GUF1: variants seen among roughly 807,000 people sequenced by gnomAD.
GUF1 encodes translation factor GUF1, mitochondrial.
Under a neutral mutation model 82.4 loss-of-function variants are expected in GUF1, and 78 were observed. The observed-to-expected ratio is 0.95, with a 90% CI of 0.79 to 1.14. GUF1 has a LOEUF of 1.14. GUF1 is among the 50% of genes most tolerant of loss of function. GUF1 has a pLI of 0.00. For missense variants in GUF1, 814 were observed against 798.2 expected (o/e 1.02, Z -0.24); for synonymous variants, 279 against 282.3 (o/e 0.99, Z 0.12).
Position 44,678,641 on chromosome 4 carries a change from C to A in GUF1, c.19C>A (p.Arg7=). MWTLVG[R]GWGCARALAP... ...CCGGGTCATGTGGACCCTCGTGGGT[C>A]GGGGCTGGGGGTGCGCACGCGCTCT... Residue 7 remains arginine, a synonymous_variant, in exon 1 of 17, where the codon CGG becomes AGG. Coordinates refer to ENST00000281543, the MANE Select transcript of GUF1 (RefSeq NM_021927.3). 1 of 1,473,200 alleles carries A rather than the reference C, an allele frequency of 6.8e-7. No individual in the cohort carries two copies. The highest frequency in any genetic ancestry group is 3.0e-5 in the Admixed American group (1 of 33,162). The allele number at this position is 1,473,200 out of a possible 1,614,324, so 91.3% of individuals were successfully genotyped here. A position where few individuals can be genotyped will look rare whatever the true frequency, so the allele number is the denominator to read the frequency against.
chr4:44,689,227 G>T, intron 9 of GUF1, 59 bp from the exon 10 acceptor site: 1 of 1,402,282 alleles, frequency 7.1e-7, no homozygotes, highest in Non-Finnish European at 9.4e-7. Context: ...CTACACATGT[G>T]GTTTGATAGG....
chr4:44,688,490 CACTG>C (rs1431099884), intron 9 of GUF1, among the ~76,000 whole-genome samples: 13 of 151,884 alleles, frequency 8.6e-5, no homozygotes, highest in Admixed American at 5.3e-4. Context: ...TATCAGTAGA[CACTG>C]ACTGAGTGCC....
At chr4:44,695,930 T>C (rs1715788611) in intron 15 of GUF1, among the ~76,000 whole-genome samples, 196 bp downstream of exon 15, 1 of 152,204 alleles carries the variant, frequency 6.6e-6, no homozygotes, top group Non-Finnish European at 1.5e-5. Context: ...CACTGGGTGA[T>C]GTGATCTGCA....
At chr4:44,695,876 C>G (rs1052237322) in intron 15 of GUF1, 142 bp downstream of exon 15, 24 of 773,956 alleles carry the variant, frequency 3.1e-5, no homozygotes, top group Non-Finnish European at 4.6e-5. Context: ...CTCCAGTTTT[C>G]TGATTTAAGT....
chr4:44,691,831 A>AC, intron 13 of GUF1, 32 bp downstream of exon 13: 1 of 1,520,004 alleles, frequency 6.6e-7, no homozygotes, highest in Non-Finnish European at 8.8e-7. Context: ...AAGATGCCTG[A>AC]CCAACTTTTT....
intron 16 of GUF1, among the ~76,000 whole-genome samples, 186 bp from the exon 17 acceptor site, chr4:44,698,358 A>G (rs997380915): frequency 3.9e-5 from 6 of 152,052 alleles, no homozygotes; most frequent in African/African-American, 1.4e-4. Flanking sequence ...ACCTCCATCC[A>G]GATTAAATCC....
At chr4:44,680,325 A>C in intron 1 of GUF1, 116 bp from the exon 2 acceptor site, 1 of 568,428 alleles carries the variant, frequency 1.8e-6, no homozygotes. Context: ...AATATAAACA[A>C]TATAAATGCT....
At chr4:44,690,938 G>T (rs964576963) in intron 12 of GUF1, 78 bp downstream of exon 12, 2 of 1,065,040 alleles carry the variant, frequency 1.9e-6, no homozygotes, top group South Asian at 1.9e-5. Flanking sequence ...GGTTTTAAAA[G>T]ATTTCTTTCT....
intron 10 of GUF1, 152 bp downstream of exon 10, chr4:44,689,561 T>C: frequency 1.0e-6 from 1 of 971,908 alleles, no homozygotes; most frequent in South Asian, 2.4e-5. Flanking sequence ...TTACTGAAAA[T>C]AAGTTTATAT....
rs569172138 is a variant in GUF1, at chr4:44,695,735, G to T, written c.1835+1G>T. 3 of 1,607,868 alleles carry T rather than the reference G, an allele frequency of 1.9e-6. No homozygotes were observed. The Admixed American group carries it at 5.1e-5, about 27-fold the overall frequency. ...GAAGTAAAATCATTGCAAGAGAAAC[G>T]TGAGTTGAAATTCATTTTTGGTCTT... On this transcript the variant is annotated splice_donor_variant, in intron 15 of 16. Coordinates refer to ENST00000281543, the MANE Select transcript of GUF1 (RefSeq NM_021927.3). LOFTEE classifies it high-confidence loss of function.
chr4:44,680,828 C>A lies in GUF1; in HGVS notation c.412C>A (p.Leu138Ile). The change falls in exon 3 of 17, where the codon CTC (leucine) becomes ATC (isoleucine). Residue 138 changes from leucine to isoleucine, a missense_variant. Coordinates refer to ENST00000281543, the MANE Select transcript of GUF1 (RefSeq NM_021927.3). ...NCEGKQYLLN[L>I]IDTPGHVDFS... is the part of the protein sequence containing the mutation. ...TGAAGGAAAGCAGTACCTTTTAAATCTCATTGATACACCGGTAAGTTTAAT... is the reference window on the plus strand; with the variant it reads ...TGAAGGAAAGCAGTACCTTTTAAATATCATTGATACACCGGTAAGTTTAAT... 1.2e-6 allele frequency: 2 copies of A among 1,608,256 alleles called. No individual in the cohort carries two copies. The highest frequency in any genetic ancestry group is 1.3e-5 in the African/African-American group (1 of 74,742).
chr4:44,690,697 C>G lies in GUF1; in HGVS notation c.1336-20C>G. On this transcript the variant is annotated intron_variant, in intron 11 of 16. Transcript: ENST00000281543. ...CATTATATTAAGATTTTAAGTATTG[C>G]TGATTTTTCTAATTTTTAGGAACAT... The G allele has an allele frequency of 7.1e-7, 1 of 1,418,030 alleles. No individual in the cohort carries two copies. Among genetic ancestry groups the G allele is most frequent in the Non-Finnish European group, 9.7e-7 (1 of 1,025,934 alleles). The allele number at this position is 1,418,030 out of a possible 1,614,324, so 87.8% of individuals were successfully genotyped here. A position where few individuals can be genotyped will look rare whatever the true frequency, so the allele number is the denominator to read the frequency against.
chr4:44,685,840 T>C, intron 6 of GUF1, 119 bp from the exon 7 acceptor site: 1 of 617,904 alleles, frequency 1.6e-6, no homozygotes, highest in Non-Finnish European at 2.9e-6. Flanking sequence ...TTGGTGTATT[T>C]CTCAAATTGA....
At position 44,690,727 on chromosome 4, in the gene GUF1, A is replaced by G. The variant is rs373221602; in HGVS notation, c.1346A>G (p.Glu449Gly). 79 of 1,552,472 alleles carry G rather than the reference A, an allele frequency of 5.1e-5. 1 individual carries two copies. The African/African-American group carries it at 1.0e-3, about 20-fold the overall frequency. ...SSSKLIKEHR[E>G]KEITIINPAQ... ...TTTTCTAATTTTTAGGAACATAGAGAAAAAGAAATTACAATTATCAATCCT... is the reference window on the plus strand; with the variant it reads ...TTTTCTAATTTTTAGGAACATAGAGGAAAAGAAATTACAATTATCAATCCT... Residue 449 changes from glutamate (E) to glycine (G), a missense_variant, in exon 12 of 17, where the codon GAA (glutamate) becomes GGA (glycine). Transcript: ENST00000281543.
rs748792306 is a variant in GUF1, at chr4:44,690,877, A to G, written c.1479+17A>G. 11 of 1,554,742 alleles carry G rather than the reference A, an allele frequency of 7.1e-6. No homozygotes were observed. The highest frequency in any genetic ancestry group is 9.6e-6 in the Non-Finnish European group (11 of 1,148,188). ...CTTTGCGAGGTATAACTATAATACAATTTAATACAAAATTAGGTTTTAGTC... is the reference window on the plus strand; with the variant it reads ...CTTTGCGAGGTATAACTATAATACAGTTTAATACAAAATTAGGTTTTAGTC... On this transcript the variant is annotated intron_variant, in intron 12 of 16. Transcript: ENST00000281543.
At chr4:44,678,814 GC>G (rs1333060007) in intron 1 of GUF1, 27 bp downstream of exon 1, 4 of 1,537,596 alleles carry the variant, frequency 2.6e-6, no homozygotes, top group Non-Finnish European at 3.5e-6. Context: ...ATCTGATTTA[GC>G]CAAGTTTTCA....
Position 44,697,449 on chromosome 4 carries a change from G to A in GUF1, c.1872+5G>A, listed in dbSNP as rs1194631085. On this transcript the variant is annotated splice_donor_5th_base_variant and intron_variant, in intron 16 of 16. Coordinates refer to ENST00000281543, the MANE Select transcript of GUF1 (RefSeq NM_021927.3). ...AAAAACGTTTTGGCAAAATGTGTAT[G>A]TATCTAGTTGTATTTATTCTACTTT... 6.7e-7 allele frequency: 1 copy of A among 1,482,546 alleles called. No individual in the cohort carries two copies. Among genetic ancestry groups the A allele is most frequent in the Non-Finnish European group, 9.3e-7 (1 of 1,074,570 alleles). 91.8% of individuals were successfully genotyped at this position (1,482,546 alleles called of 1,614,324 possible).
Position 44,678,632 on chromosome 4 carries a change from C to A in GUF1, c.10C>A (p.Leu4Ile). MWTLVGRGWGCARA... is the reference protein window; with the variant it reads MWTIVGRGWGCARA... Reference sequence around the variant, plus strand: ...CTCCGCCGCCCGGGTCATGTGGACCCTCGTGGGTCGGGGCTGGGGGTGCGC... The same window carrying A: ...CTCCGCCGCCCGGGTCATGTGGACCATCGTGGGTCGGGGCTGGGGGTGCGC... Residue 4 changes from leucine to isoleucine, a missense_variant, in exon 1 of 17, where the codon CTC becomes ATC. Coordinates refer to ENST00000281543, the MANE Select transcript of GUF1 (RefSeq NM_021927.3). The A allele has an allele frequency of 6.8e-7, 1 of 1,467,938 alleles. No homozygotes were observed. Among genetic ancestry groups the A allele is most frequent in the Non-Finnish European group, 8.9e-7 (1 of 1,122,758 alleles). The allele number at this position is 1,467,938 out of a possible 1,614,324, so 90.9% of individuals were successfully genotyped here.
rs187478991 is a variant in GUF1 at position 44,680,791 on chromosome 4, C to G, written c.375C>G (p.Leu125=). Residue 125 remains leucine (L), a synonymous_variant, in exon 3 of 17, where the codon CTC becomes CTG. Coordinates refer to ENST00000281543, the MANE Select transcript of GUF1 (RefSeq NM_021927.3). ...GITVKAQTAS[L]FYNCEGKQYL... ...CTGTTAAAGCACAGACAGCATCTCT[C>G]TTTTACAATTGTGAAGGAAAGCAGT... 3 of 1,612,516 alleles carry G rather than the reference C, an allele frequency of 1.9e-6. No individual in the cohort carries two copies. In the East Asian group the frequency reaches 6.7e-5, roughly 36 times the overall value.
Sources: gnomAD v4.1 joint callset for allele counts (sites outside exome capture counted in the v4.1 genomes callset) on GRCh38, gnomAD v4.1.1 for gene constraint, MANE v1.5 for transcripts, NCBI Gene and HGNC (gene_info 2026-07-23, HGNC 2026-07-21) for gene names.